Variants in RTN1 observed in about 807,000 individuals in gnomAD.
RTN1 encodes reticulon-1.
Under a neutral mutation model 65.5 loss-of-function variants are expected in RTN1, and 25 were observed. The ratio of observed to expected loss-of-function variants is 0.38; its 90% CI spans 0.28 to 0.53. RTN1 has a LOEUF of 0.53. Among genes scored for constraint, RTN1 ranks in the 20% least tolerant of loss-of-function variants. RTN1 has a pLI of 0.79. For missense variants in RTN1, 983 were observed against 1,025.4 expected (o/e 0.96, Z 0.57); for synonymous variants, 471 against 447.6 (o/e 1.05, Z -0.66).
chr14:59,638,297 T>C (rs1266213606), intron 3 of RTN1, among the ~76,000 whole-genome samples: 3 of 152,226 alleles, frequency 2.0e-5, no homozygotes, highest in Non-Finnish European at 4.4e-5. Context: ...AGGTTCATGG[T>C]CAATGAGCAG....
chr14:59,752,161 G>T (rs184130818), intron 1 of RTN1, among the ~76,000 whole-genome samples: 7 of 152,272 alleles, frequency 4.6e-5, no homozygotes, highest in Admixed American at 3.9e-4. Flanking sequence ...TGATGAATTT[G>T]CTGACTGTCT....
chr14:59,638,400 C>T (rs1222962625), intron 3 of RTN1, among the ~76,000 whole-genome samples: 1 of 152,108 alleles, frequency 6.6e-6, no homozygotes, highest in African/African-American at 2.4e-5. Context: ...AAACAGATGT[C>T]CTGTTATCCA....
At chr14:59,597,728 A>G (rs1217943778) in intron 8 of RTN1, among the ~76,000 whole-genome samples, 1 of 152,214 alleles carries the variant, frequency 6.6e-6, no homozygotes, top group Non-Finnish European at 1.5e-5. Flanking sequence ...TAAGGTGTGT[A>G]CCACCTCTTT....
Position 59,869,847 on chromosome 14 carries a change from G to T in RTN1, c.241+543C>A, listed in dbSNP as rs577927903. Among the ~76,000 whole-genome samples, 124 of 152,286 alleles carry T rather than the reference G, an allele frequency of 8.1e-4. 1 individual carries two copies. Among genetic ancestry groups the T allele is most frequent in the African/African-American group, 2.9e-3 (121 of 41,570 alleles). ...TGCGGGAGAAAAGGCGGAGGGATGT[G>T]GGGGGAGTAAGGTGTGGTGGCGATT... On this transcript the variant is annotated intron_variant, in intron 1 of 8. Transcript: ENST00000267484.
At chr14:59,745,375 T>C (rs1245237272) in intron 2 of RTN1, among the ~76,000 whole-genome samples, 1 of 152,140 alleles carries the variant, frequency 6.6e-6, no homozygotes, top group Non-Finnish European at 1.5e-5. Flanking sequence ...AAGCAGGCAG[T>C]ACTGAATTCT....
At chr14:59,646,861 T>C (rs1266564139) in intron 3 of RTN1, 5 of 153,116 alleles carry the variant, frequency 3.3e-5, no homozygotes, top group Non-Finnish European at 7.4e-5. Flanking sequence ...AGTGACACTA[T>C]AAAGCAACCA....
rs1882525164 is a variant in RTN1, at chr14:59,630,637, G to A, written c.1766-23145C>T. On this transcript the variant is annotated intron_variant, in intron 3 of 8. Coordinates refer to ENST00000267484, the MANE Select transcript of RTN1 (RefSeq NM_021136.3). Reference sequence around the variant, plus strand: ...TGCGGAGAGACTGAGGCTGCACCAGGCGGCGCGCGGTGAGGGGCGGGAGCG... The same window carrying A: ...TGCGGAGAGACTGAGGCTGCACCAGACGGCGCGCGGTGAGGGGCGGGAGCG... 3 of 1,360,428 alleles carry A rather than the reference G, an allele frequency of 2.2e-6. No individual in the cohort carries two copies. The Admixed American group carries it at 8.4e-5, about 38-fold the overall frequency. 84.3% of individuals were successfully genotyped at this position (1,360,428 alleles called of 1,614,324 possible).
intron 1 of RTN1, among the ~76,000 whole-genome samples, chr14:59,834,579 A>G (rs1887182136): frequency 6.6e-6 from 1 of 152,206 alleles, no homozygotes; most frequent in South Asian, 2.1e-4. Context: ...AAGAAGATAT[A>G]TGGCTAGCAA....
chr14:59,724,976 G>A (rs1056177016), intron 3 of RTN1, among the ~76,000 whole-genome samples: 2 of 152,172 alleles, frequency 1.3e-5, no homozygotes, highest in Non-Finnish European at 2.9e-5. Context: ...GCAGAAGAGA[G>A]TGGAGATTAT....
intron 3 of RTN1, chr14:59,630,384 C>G: frequency 1.2e-6 from 2 of 1,606,622 alleles, no homozygotes; most frequent in South Asian, 1.1e-5. Flanking sequence ...GCACAATGGA[C>G]GAGTCCAGGT....
intron 3 of RTN1, chr14:59,610,315 T>C: frequency 1.7e-6 from 1 of 576,360 alleles, no homozygotes. Flanking sequence ...CTTGCTAAGA[T>C]TGCAGGAGGT....
chr14:59,869,803 C>T (rs1270405834), intron 1 of RTN1, among the ~76,000 whole-genome samples: 7 of 152,206 alleles, frequency 4.6e-5, no homozygotes, highest in Non-Finnish European at 8.8e-5. Context: ...TAGGGACAAA[C>T]TCCCTGGGAT....
intron 3 of RTN1, among the ~76,000 whole-genome samples, chr14:59,635,863 A>AT (rs945674782): frequency 2.0e-5 from 3 of 151,956 alleles, no homozygotes; most frequent in Non-Finnish European, 2.9e-5. Context: ...GAGAATGAAT[A>AT]TTTTTTTTCT....
At chr14:59,598,970 T>C (rs1423113682) in intron 8 of RTN1, among the ~76,000 whole-genome samples, 1 of 152,242 alleles carries the variant, frequency 6.6e-6, no homozygotes, top group Non-Finnish European at 1.5e-5. Flanking sequence ...TCTGTTAAAA[T>C]GTCCAACCCT....
chr14:59,856,286 TTAATC>T (rs1325907064), intron 1 of RTN1, among the ~76,000 whole-genome samples: 2 of 152,136 alleles, frequency 1.3e-5, no homozygotes, highest in Non-Finnish European at 2.9e-5. Context: ...ATATAAGACT[TTAATC>T]TACTGAGTTA....
intron 1 of RTN1, among the ~76,000 whole-genome samples, chr14:59,808,498 T>G (rs1226923094): frequency 2.0e-5 from 3 of 152,220 alleles, no homozygotes; most frequent in Non-Finnish European, 4.4e-5. Flanking sequence ...AATTGGTTAT[T>G]ACTTTTGTGA....
At chr14:59,672,182 G>C (rs1224137924) in intron 3 of RTN1, among the ~76,000 whole-genome samples, 1 of 152,094 alleles carries the variant, frequency 6.6e-6, no homozygotes, top group Non-Finnish European at 1.5e-5. Context: ...TTTGAGCTCA[G>C]GTTTGTCACC....
At chr14:59,826,042 C>G (rs1371805037) in intron 1 of RTN1, among the ~76,000 whole-genome samples, 3 of 152,034 alleles carry the variant, frequency 2.0e-5, no homozygotes, top group Non-Finnish European at 4.4e-5. Flanking sequence ...ACACCTGGAT[C>G]AAAAAGAGCA....
intron 3 of RTN1, among the ~76,000 whole-genome samples, chr14:59,705,279 T>A (rs570396887): frequency 6.6e-6 from 1 of 152,310 alleles, no homozygotes; most frequent in South Asian, 2.1e-4. Flanking sequence ...TACATTATGA[T>A]CAGCCTCTAC....
Sources: gnomAD v4.1 joint callset for allele counts (sites outside exome capture counted in the v4.1 genomes callset) on GRCh38, gnomAD v4.1.1 for gene constraint, MANE v1.5 for transcripts, NCBI Gene and HGNC (gene_info 2026-07-23, HGNC 2026-07-21) for gene names.